SLC15A3: variants seen among roughly 807,000 people sequenced by gnomAD.
The protein encoded by SLC15A3 is solute carrier family 15 member 3.
A neutral mutation model predicts 49.2 loss-of-function variants in SLC15A3; 39 were observed. The ratio of observed to expected loss-of-function variants is 0.79; its 90% CI spans 0.61 to 1.04. SLC15A3 has a LOEUF of 1.04. Ranked by LOEUF, SLC15A3 falls within the 50% of genes least tolerant of loss-of-function variation. The pLI, the probability that SLC15A3 is intolerant of heterozygous loss-of-function variation, is 0.00. For missense variants in SLC15A3, 758 were observed against 794.8 expected (o/e 0.95, Z 0.56); for synonymous variants, 339 against 367.0 (o/e 0.92, Z 0.87).
In SLC15A3 at chr11:60,941,338, C is replaced by G. The variant is rs752298708; in HGVS notation, c.1108-48G>C. On this transcript the variant is annotated intron_variant, in intron 4 of 7. Coordinates refer to ENST00000227880, the MANE Select transcript of SLC15A3 (RefSeq NM_016582.3). ...AGGCAGGCTAGCAGAGTGCAAGGAG[C>G]CTGGCTGCAGTCAGGAGACCTGGAC... 2.6e-6 allele frequency: 4 copies of G among 1,567,538 alleles called. No individual in the cohort carries two copies. In the African/African-American group the frequency reaches 5.4e-5, roughly 21 times the overall value.
At chr11:60,945,723 T>C (rs1856791720) in intron 2 of SLC15A3, among the ~76,000 whole-genome samples, 1 of 152,214 alleles carries the variant, frequency 6.6e-6, no homozygotes, top group Non-Finnish European at 1.5e-5. Flanking sequence ...ATTCAGAACC[T>C]TCCTCCTTTG....
In SLC15A3 at chr11:60,951,260, G is replaced by A; in HGVS notation, c.292C>T (p.Leu98=). 6.6e-7 allele frequency: 1 copy of A among 1,514,638 alleles called. No individual in the cohort carries two copies. The highest frequency in any genetic ancestry group is 8.8e-7 in the Non-Finnish European group (1 of 1,134,160). The allele number at this position is 1,514,638 out of a possible 1,614,324, so 93.8% of individuals were successfully genotyped here. A position where few individuals can be genotyped will look rare whatever the true frequency, so the allele number is the denominator to read the frequency against. Residue 98 remains leucine (L), a synonymous_variant, in exon 1 of 8, where the codon CTG becomes TTG. Coordinates refer to ENST00000227880, the MANE Select transcript of SLC15A3 (RefSeq NM_016582.3). ...PVGGWLADVY[L]GRYRAVALSL... is the part of the protein sequence containing the mutation. ...AGCGCGACCGCGCGGTAGCGGCCCAGGTACACGTCGGCCAGCCAGCCGCCC... is the reference window on the plus strand; with the variant it reads ...AGCGCGACCGCGCGGTAGCGGCCCAAGTACACGTCGGCCAGCCAGCCGCCC...
Position 60,937,712 on chromosome 11 carries a change from C to A in SLC15A3, c.1591+158G>T, listed in dbSNP as rs1050074605. ...AAGAAAGGCCCAAGGAGGGAGGCCA[C>A]GCTGTGGGTGACTGGCCAAGCCCGG... On this transcript the variant is annotated intron_variant, in intron 7 of 7. Coordinates refer to ENST00000227880, the MANE Select transcript of SLC15A3 (RefSeq NM_016582.3). The A allele has an allele frequency of 3.2e-6, 3 of 952,078 alleles. No individual in the cohort carries two copies. In the African/African-American group the frequency reaches 5.0e-5, roughly 16 times the overall value. 59.0% of individuals were successfully genotyped at this position (952,078 alleles called of 1,614,324 possible).
chr11:60,945,279 T>A (rs1228305748), intron 2 of SLC15A3, among the ~76,000 whole-genome samples: 1 of 152,174 alleles, frequency 6.6e-6, no homozygotes, highest in Non-Finnish European at 1.5e-5. Context: ...CACAGTCCCA[T>A]CTGAGCTCAC....
rs1856741487 is a variant in SLC15A3, at chr11:60,943,054, G to A, written c.996+635C>T. On this transcript the variant is annotated intron_variant, in intron 3 of 7. Transcript: ENST00000227880. ...GTGGAAGACAATAGTTCTCAACTCT[G>A]AGTATCTGTATCATCTGAAAAGTTT... The A allele has an allele frequency of 2.0e-5, 3 of 152,254 alleles. No homozygotes were observed. The South Asian group carries it at 6.2e-4, about 32-fold the overall frequency. The allele number at this position is 152,254 out of a possible 1,614,324, so 9.4% of individuals were successfully genotyped here.
chr11:60,946,862 C>A, intron 1 of SLC15A3, 41 bp from the exon 2 acceptor site: 1 of 1,574,846 alleles, frequency 6.3e-7, no homozygotes, highest in South Asian at 1.2e-5. Flanking sequence ...CCAAAGGGGT[C>A]CGGGGCACTC....
chr11:60,946,931 G>C, intron 1 of SLC15A3, 110 bp from the exon 2 acceptor site: 1 of 1,194,028 alleles, frequency 8.4e-7, no homozygotes, highest in Non-Finnish European at 1.2e-6. Flanking sequence ...GGTGGTGGGC[G>C]TTCCGACACT....
At chr11:60,945,281 T>C (rs1172186475) in intron 2 of SLC15A3, among the ~76,000 whole-genome samples, 1 of 152,228 alleles carries the variant, frequency 6.6e-6, no homozygotes, top group Non-Finnish European at 1.5e-5. Context: ...CAGTCCCATC[T>C]GAGCTCACAG....
At chr11:60,937,694 G>C (rs761035546) in intron 7 of SLC15A3, 176 bp downstream of exon 7, 124 of 804,822 alleles carry the variant, frequency 1.5e-4, no homozygotes, top group Non-Finnish European at 2.3e-4. Context: ...GGAAAGAAAG[G>C]CCCAAGGAGG....
rs1856626860 is a variant in SLC15A3 at position 60,937,134 on chromosome 11, C to T, written c.*85G>A. On this transcript the variant is annotated 3_prime_UTR_variant, in exon 8 of 8. Coordinates refer to ENST00000227880, the MANE Select transcript of SLC15A3 (RefSeq NM_016582.3). ...ATTTATGGGAACCATTTCATTCTAA[C>T]AGAATAAACCGAGAAGGAAACCAGA... 2.6e-6 allele frequency: 4 copies of T among 1,526,040 alleles called. No homozygotes were observed. The highest frequency in any genetic ancestry group is 2.3e-4 in the Middle Eastern group (1 of 4,390). 94.5% of individuals were successfully genotyped at this position (1,526,040 alleles called of 1,614,324 possible). A position where few individuals can be genotyped will look rare whatever the true frequency, so the allele number is the denominator to read the frequency against.
intron 7 of SLC15A3, 154 bp downstream of exon 7, chr11:60,937,716 G>T: frequency 1.0e-6 from 1 of 995,336 alleles, no homozygotes; most frequent in Non-Finnish European, 1.5e-6. Context: ...AGGCCACGCT[G>T]TGGGTGACTG....
intron 2 of SLC15A3, among the ~76,000 whole-genome samples, chr11:60,944,721 C>T (rs1235426900): frequency 1.3e-5 from 2 of 152,132 alleles, no homozygotes. Context: ...TCAAGTCCAT[C>T]CTCCTCAACA....
chr11:60,941,513 A>C, intron 4 of SLC15A3: 1 of 489,772 alleles, frequency 2.0e-6, no homozygotes, highest in South Asian at 3.6e-5. Context: ...GTAGTGGCTG[A>C]TTATGGAACA....
chr11:60,952,087 A>AC lies in SLC15A3; in HGVS notation c.-537dup, dbSNP rs1214160430. On this transcript the variant is annotated 5_prime_UTR_variant, in exon 1 of 8. Transcript: ENST00000227880. ...TCTCCACCTCCTCCCTGTCCCCCTC[A>AC]CCCCCACTGCCTACACTCCCCTCTC... is the stretch of plus-strand genomic sequence containing the variant. 9.4e-6 allele frequency among the ~76,000 whole-genome samples: 1 copy of AC among 105,834 alleles called. No individual in the cohort carries two copies. The highest frequency in any genetic ancestry group is 3.8e-5 in the African/African-American group (1 of 26,234). The allele number at this position is 105,834 out of a possible 152,430, so 69.4% of individuals were successfully genotyped here.
chr11:60,943,855 A>C lies in SLC15A3; in HGVS notation c.849-19T>G. ...ACGGTCTCTGTGAGACCCCAGAGGC[A>C]GCAGATAAAACAACAGTCAAGGCTG... On this transcript the variant is annotated intron_variant, in intron 2 of 7. Transcript: ENST00000227880. 6.6e-7 allele frequency: 1 copy of C among 1,513,974 alleles called. No homozygotes were observed. Among genetic ancestry groups the C allele is most frequent in the Non-Finnish European group, 8.9e-7 (1 of 1,123,192 alleles). 93.8% of individuals were successfully genotyped at this position (1,513,974 alleles called of 1,614,324 possible).
At chr11:60,942,262 A>C in intron 3 of SLC15A3, 117 bp from the exon 4 acceptor site, 1 of 780,604 alleles carries the variant, frequency 1.3e-6, no homozygotes, top group African/African-American at 1.7e-5. Flanking sequence ...CCCCTCTCCC[A>C]GTCTCAGGGA....
chr11:60,949,418 GA>G lies in SLC15A3; in HGVS notation c.558+1575del, dbSNP rs1295946426. Among the ~76,000 whole-genome samples the G allele has an allele frequency of 0.039, 2,955 of 76,688 alleles. 201 individuals are homozygous for G. In the East Asian group the frequency reaches 0.43, roughly 11 times the overall value. The allele number at this position is 76,688 out of a possible 152,430, so 50.3% of individuals were successfully genotyped here. On this transcript the variant is annotated intron_variant, in intron 1 of 7. Coordinates refer to ENST00000227880, the MANE Select transcript of SLC15A3 (RefSeq NM_016582.3). Reference sequence around the variant, plus strand: ...AAAGAGAAAGAAAGGAAGAAAGAAAGAAAGAAGGAAAGAAAGAAAGAAAGAA... The same window carrying G: ...AAAGAGAAAGAAAGGAAGAAAGAAAGAAGAAGGAAAGAAAGAAAGAAAGAA...
At chr11:60,942,285 C>T in intron 3 of SLC15A3, 140 bp from the exon 4 acceptor site, 2 of 666,352 alleles carry the variant, frequency 3.0e-6, no homozygotes, top group South Asian at 1.8e-5. Flanking sequence ...TAGTCACCTT[C>T]CCACCCTCCT....
intron 2 of SLC15A3, among the ~76,000 whole-genome samples, chr11:60,945,527 A>G (rs1856788565): frequency 6.6e-6 from 1 of 152,230 alleles, no homozygotes; most frequent in African/African-American, 2.4e-5. Context: ...TCGGCTCCTG[A>G]CAACTTACAA....
Sources: allele counts gnomAD v4.1 joint callset (sites outside exome capture counted in the v4.1 genomes callset), GRCh38; gene constraint gnomAD v4.1.1; transcripts MANE v1.5; gene names NCBI Gene and HGNC (gene_info 2026-07-23, HGNC 2026-07-21).